RPS6KA2: variants seen among roughly 807,000 people sequenced by gnomAD.
RPS6KA2 encodes the protein ribosomal protein S6 kinase A2, also known as ribosomal protein S6 kinase alpha-2.
RPS6KA2 carries 42 observed loss-of-function variants against 91.8 expected under a neutral mutation model. The observed-to-expected ratio is 0.46, with a 90% CI of 0.36 to 0.59. RPS6KA2 has a LOEUF of 0.59. Among genes scored for constraint, RPS6KA2 ranks in the 20% least tolerant of loss-of-function variants. RPS6KA2 has a pLI of 0.00. For missense variants in RPS6KA2, 798 were observed against 978.5 expected, an observed-to-expected ratio of 0.82 and a Z score of 2.46; for synonymous variants, 414 against 393.6, an observed-to-expected ratio of 1.05 and a Z score of -0.61.
intron 2 of RPS6KA2, among the ~76,000 whole-genome samples, chr6:166,676,725 C>A (rs569219096): frequency 6.6e-6 from 1 of 152,328 alleles, no homozygotes; most frequent in South Asian, 2.1e-4. Context: ...CAGCACTTAC[C>A]ACACTCTGCT....
chr6:166,843,749 G>A (rs1442280785), intron 2 of RPS6KA2, among the ~76,000 whole-genome samples: 1 of 152,170 alleles, frequency 6.6e-6, no homozygotes. Flanking sequence ...AGTACCCCAT[G>A]GAACAAAAGA....
At chr6:166,830,382 T>G (rs1448664501) in intron 2 of RPS6KA2, among the ~76,000 whole-genome samples, 1 of 152,190 alleles carries the variant, frequency 6.6e-6, no homozygotes, top group Non-Finnish European at 1.5e-5. Context: ...GGTTAGTTTT[T>G]AACAGGCAGA....
chr6:166,635,076 C>T lies in RPS6KA2; in HGVS notation c.124-96292G>A, dbSNP rs372780617. On this transcript the variant is annotated intron_variant, in intron 2 of 21. Transcript: ENST00000503859. This position sits in a 1 kb window ranked among gnomAD's most constrained non-coding sequence, Gnocchi z 4.8. ...ATAATTTTAAAAAGACTTGTGATAA[C>T]GGAGAGCCAACGGTAGTACGTGAAA... Among the ~76,000 whole-genome samples, 3 of 152,270 alleles carry T rather than the reference C, an allele frequency of 2.0e-5. No individual in the cohort carries two copies. Among genetic ancestry groups the T allele is most frequent in the South Asian group, 2.1e-4 (1 of 4,826 alleles).
chr6:166,558,148 G>T (rs896151225), intron 1 of RPS6KA2, among the ~76,000 whole-genome samples: 1 of 147,232 alleles, frequency 6.8e-6, no homozygotes, highest in Non-Finnish European at 1.5e-5. Context: ...TATGTATGTG[G>T]GGAGAGAGAG....
rs1788188155 is a variant in RPS6KA2 at position 166,662,453 on chromosome 6, C to G, written c.124-123669G>C. Among the ~76,000 whole-genome samples, 1 of 152,192 alleles carries G rather than the reference C, an allele frequency of 6.6e-6. No individual in the cohort carries two copies. The highest frequency in any genetic ancestry group is 2.4e-5 in the African/African-American group (1 of 41,436). ...TCTGCTTTCTTTGGGGACGTAAGAA[C>G]AGCTCTGCTTGCAAATCCAATGCCT... On this transcript the variant is annotated intron_variant, in intron 2 of 21. Transcript: ENST00000503859. The surrounding 1 kb of genome is among the most constrained non-coding windows in gnomAD (Gnocchi z 4.3).
intron 2 of RPS6KA2, among the ~76,000 whole-genome samples, chr6:166,747,241 T>C (rs9347152): frequency 0.7 from 106,228 of 152,016 alleles, 37,927 homozygotes; most frequent in African/African-American, 0.86. Context: ...CTGAAGCTAC[T>C]CAGGGGCCCT....
chr6:166,616,474 A>G (rs1165724714), intron 1 of RPS6KA2, among the ~76,000 whole-genome samples: 1 of 152,206 alleles, frequency 6.6e-6, no homozygotes, highest in African/African-American at 2.4e-5. Flanking sequence ...GCTCCTGTCC[A>G]GCAACACGTG....
chr6:166,812,031 G>A (rs1779649826), intron 2 of RPS6KA2, among the ~76,000 whole-genome samples: 1 of 152,204 alleles, frequency 6.6e-6, no homozygotes, highest in Non-Finnish European at 1.5e-5. Context: ...AAACCTGGCT[G>A]TCATCATCTC....
At chr6:166,834,188 G>A (rs1412111225) in intron 2 of RPS6KA2, among the ~76,000 whole-genome samples, 1 of 152,100 alleles carries the variant, frequency 6.6e-6, no homozygotes, top group African/African-American at 2.4e-5. Flanking sequence ...TCACACCTTT[G>A]TCAGCACTTG....
At chr6:166,471,045 G>C (rs907941096) in intron 10 of RPS6KA2, among the ~76,000 whole-genome samples, 1 of 152,098 alleles carries the variant, frequency 6.6e-6, no homozygotes, top group Non-Finnish European at 1.5e-5. Flanking sequence ...CTGATCCCTG[G>C]GGCCCGGCTC....
At position 166,718,977 on chromosome 6, in the gene RPS6KA2, AG is replaced by A. The variant is rs371107518; in HGVS notation, c.123+139222del. Among the ~76,000 whole-genome samples the A allele has an allele frequency of 4.4e-3, 663 of 152,322 alleles. 5 individuals carry two copies. Among genetic ancestry groups the A allele is most frequent in the African/African-American group, 0.015 (642 of 41,578 alleles). On this transcript the variant is annotated intron_variant, in intron 2 of 21. Transcript: ENST00000503859. ...AAGGATTAAAAACATTAACATTTAA[AG>A]GTTATTGACTTTGACAACAAGGCCA...
intron 11 of RPS6KA2, among the ~76,000 whole-genome samples, chr6:166,462,619 G>T (rs1780359616): frequency 6.6e-6 from 1 of 152,308 alleles, no homozygotes; most frequent in Non-Finnish European, 1.5e-5. Flanking sequence ...CCCCATCTGT[G>T]CCTAGCCCGG....
chr6:166,769,604 G>A lies in RPS6KA2; in HGVS notation c.123+88596C>T, dbSNP rs78828408. On this transcript the variant is annotated intron_variant, in intron 2 of 21. Transcript: ENST00000503859. Reference sequence around the variant, plus strand: ...ATACAGTTCAAAACACAAGTTCCACGTCCAATAAGGAAACTTAATTCATGC... The same window carrying A: ...ATACAGTTCAAAACACAAGTTCCACATCCAATAAGGAAACTTAATTCATGC... 3.1e-3 allele frequency among the ~76,000 whole-genome samples: 470 copies of A among 152,302 alleles called. 18 individuals are homozygous for A. In the East Asian group the frequency reaches 0.076, roughly 25 times the overall value.
At chr6:166,706,989 G>A (rs1380949446) in intron 2 of RPS6KA2, among the ~76,000 whole-genome samples, 1 of 152,144 alleles carries the variant, frequency 6.6e-6, no homozygotes, top group East Asian at 1.9e-4. Flanking sequence ...CCATTCAAAT[G>A]GATAAGTTCA....
At chr6:166,590,581 T>C (rs1785322672) in intron 1 of RPS6KA2, among the ~76,000 whole-genome samples, 1 of 152,134 alleles carries the variant, frequency 6.6e-6, no homozygotes, top group African/African-American at 2.4e-5. Flanking sequence ...ATACAGGGGA[T>C]TCGTGTGGAA....
At chr6:166,522,816 C>T (rs56868569) in intron 3 of RPS6KA2, among the ~76,000 whole-genome samples, 8,876 of 152,234 alleles carry the variant, frequency 0.058, 886 homozygotes, top group African/African-American at 0.2. Flanking sequence ...CAGTGAATTA[C>T]TCCACACATA....
chr6:166,468,354 G>A (rs1484461427), intron 11 of RPS6KA2, among the ~76,000 whole-genome samples: 2 of 152,272 alleles, frequency 1.3e-5, no homozygotes, highest in East Asian at 1.9e-4. Flanking sequence ...CTAATCTTAC[G>A]AAAGTTCTTT....
chr6:166,633,965 A>G (rs771501663), intron 2 of RPS6KA2, among the ~76,000 whole-genome samples: 1 of 152,202 alleles, frequency 6.6e-6, no homozygotes, highest in Non-Finnish European at 1.5e-5. Flanking sequence ...CAAACCAGGC[A>G]AGTGGAGACG....
chr6:166,510,645 C>T (rs901609126), intron 3 of RPS6KA2, among the ~76,000 whole-genome samples: 5 of 125,684 alleles, frequency 4.0e-5, no homozygotes, highest in East Asian at 2.5e-4. Context: ...GTAGGCAGCA[C>T]GACATGTTAC....
Sources: allele counts gnomAD v4.1 joint callset (sites outside exome capture counted in the v4.1 genomes callset), GRCh38; gene constraint gnomAD v4.1.1; non-coding constraint Gnocchi (gnomAD v3.1); transcripts MANE v1.5; gene names NCBI Gene and HGNC (gene_info 2026-07-23, HGNC 2026-07-21).